Variants in TPM1 observed in about 807,000 individuals in gnomAD.
TPM1 encodes the protein tropomyosin alpha-1 chain.
A neutral mutation model predicts 42.9 loss-of-function variants in TPM1; 24 were observed. The observed-to-expected ratio is 0.56, with a 90% CI of 0.41 to 0.79. TPM1 has a LOEUF of 0.79. Ranked by LOEUF, TPM1 falls within the 30% of genes least tolerant of loss-of-function variation. The probability of loss-of-function intolerance (pLI) is 0.00; values close to 1 mark genes in which losing one functional copy is unlikely to be tolerated. For synonymous variants in TPM1, 136 were observed against 130.1 expected, an observed-to-expected ratio of 1.05 and a Z score of -0.31; for missense variants, 158 against 351.8, an observed-to-expected ratio of 0.45 and a Z score of 4.41.
downstream of TPM1, among the ~76,000 whole-genome samples, chr15:63,068,941 G>A (rs900528116): frequency 6.6e-6 from 1 of 152,060 alleles, no homozygotes; most frequent in Non-Finnish European, 1.5e-5. Context: ...GAGGTCAGGA[G>A]ATTGAGACCA....
downstream of TPM1, chr15:63,066,315 C>T: frequency 1.7e-6 from 1 of 601,940 alleles, no homozygotes; most frequent in Non-Finnish European, 2.2e-6. Context: ...TCTCAGAGTT[C>T]TGATTTTCAA....
At position 63,053,147 on chromosome 15, in the gene TPM1, A is replaced by G. The variant is rs561091161; in HGVS notation, c.241-3838A>G. On this transcript the variant is annotated intron_variant, in intron 2 of 9. Transcript: ENST00000403994. ...TTCCGTGTCCTTATGTGAGCTTCCTATTACCCATTAGCATTGTTTTATGAA... is the reference window on the plus strand; with the variant it reads ...TTCCGTGTCCTTATGTGAGCTTCCTGTTACCCATTAGCATTGTTTTATGAA... Among the ~76,000 whole-genome samples, 6 of 152,262 alleles carry G rather than the reference A, an allele frequency of 3.9e-5. No homozygotes were observed. The East Asian group carries it at 7.7e-4, about 20-fold the overall frequency.
At chr15:63,048,576 A>G in intron 2 of TPM1, 1 of 1,526,730 alleles carries the variant, frequency 6.5e-7, no homozygotes, top group Non-Finnish European at 8.8e-7. Flanking sequence ...GTCCGGCGCG[A>G]TGGCGGGGAG....
chr15:63,067,216 C>T (rs888894687), downstream of TPM1, among the ~76,000 whole-genome samples: 4 of 152,152 alleles, frequency 2.6e-5, no homozygotes, highest in African/African-American at 9.7e-5. Context: ...AAGATAGTGT[C>T]ATTCTCACTC....
At chr15:63,056,102 T>G (rs182197558) in intron 2 of TPM1, 10 of 152,404 alleles carry the variant, frequency 6.6e-5, no homozygotes, top group Admixed American at 5.2e-4. Flanking sequence ...TAAAAGGGGT[T>G]ACTGGATTGT....
At chr15:63,043,982 C>T in intron 1 of TPM1, 45 bp from the exon 2 acceptor site, 1 of 1,600,944 alleles carries the variant, frequency 6.2e-7, no homozygotes, top group Non-Finnish European at 8.5e-7. Context: ...ATCACGCTGC[C>T]TGCTGCACCC....
At chr15:63,058,376 C>T (rs2035109853) in intron 3 of TPM1, among the ~76,000 whole-genome samples, 1 of 152,134 alleles carries the variant, frequency 6.6e-6, no homozygotes, top group African/African-American at 2.4e-5. Context: ...GCCAAGACTC[C>T]GACCCAGATC....
At chr15:63,043,948 G>A in intron 1 of TPM1, 79 bp from the exon 2 acceptor site, 2 of 1,565,370 alleles carry the variant, frequency 1.3e-6, no homozygotes. Context: ...CTGGTTCTGT[G>A]CACCCACACC....
intron 2 of TPM1, among the ~76,000 whole-genome samples, chr15:63,049,862 C>G (rs573794799): frequency 3.2e-4 from 49 of 152,178 alleles, no homozygotes; most frequent in Non-Finnish European, 6.0e-4. Context: ...GTGGATATCC[C>G]TGAACTTGGC....
chr15:63,070,245 A>C, downstream of TPM1: 1 of 1,171,906 alleles, frequency 8.5e-7, no homozygotes, highest in East Asian at 5.5e-5. Flanking sequence ...CCCCCCCAAA[A>C]AATGTTTTCT....
chr15:63,048,835 G>A (rs1250270586), intron 2 of TPM1: 6 of 1,283,824 alleles, frequency 4.7e-6, no homozygotes, highest in Non-Finnish European at 6.5e-6. Context: ...GGCGCACCTG[G>A]CGCACCTGGG....
intron 8 of TPM1, chr15:63,062,952 A>G: frequency 1.4e-6 from 2 of 1,428,314 alleles, no homozygotes; most frequent in Admixed American, 6.0e-5. Context: ...GAATGACTCT[A>G]GTATATTTTA....
At position 63,057,038 on chromosome 15, in the gene TPM1, G is replaced by A. The variant is rs747206706; in HGVS notation, c.294G>A (p.Glu98=). Residue 98 remains glutamate, a synonymous_variant, in exon 3 of 10, where the codon GAG becomes GAA. Coordinates refer to ENST00000403994, the MANE Select transcript of TPM1 (RefSeq NM_001018005.2). ...LNRRIQLVEE[E]LDRAQERLAT... ...GACGCATCCAGCTGGTTGAGGAAGA[G>A]TTGGATCGTGCCCAGGAGCGTCTGG... 2 of 1,614,242 alleles carry A rather than the reference G, an allele frequency of 1.2e-6. No homozygotes were observed. The highest frequency in any genetic ancestry group is 1.3e-5 in the African/African-American group (1 of 75,064).
At chr15:63,069,088 G>A (rs1474328783), downstream of TPM1, among the ~76,000 whole-genome samples, 1 of 152,182 alleles carries the variant, frequency 6.6e-6, no homozygotes, top group African/African-American at 2.4e-5. Context: ...GGGAGGTGGA[G>A]CTTGCAGTGA....
At chr15:63,048,831 C>G (rs1481778246) in intron 2 of TPM1, 1 of 1,307,998 alleles carries the variant, frequency 7.6e-7, no homozygotes, top group Non-Finnish European at 1.1e-6. Context: ...CCAGGGCGCA[C>G]CTGGCGCACC....
At chr15:63,049,943 T>A (rs1333862771) in intron 2 of TPM1, among the ~76,000 whole-genome samples, 1 of 152,150 alleles carries the variant, frequency 6.6e-6, no homozygotes, top group African/African-American at 2.4e-5. Flanking sequence ...CTATATAGAA[T>A]ATGATGGATA....
At chr15:63,046,516 A>AGGG (rs2032410905) in intron 2 of TPM1, 3 of 152,228 alleles carry the variant, frequency 2.0e-5, no homozygotes, top group Non-Finnish European at 4.4e-5. Context: ...CTACTACTTT[A>AGGG]CAAATCCTAT....
In TPM1 at chr15:63,056,299, T is replaced by G. The variant is rs140764827; in HGVS notation, c.241-686T>G. On this transcript the variant is annotated intron_variant, in intron 2 of 9. Transcript: ENST00000403994. ...GGGTAAGTCTTGTCTCAGTTCACAC[T>G]TCAGGCCCCCAGTGAGTGAGGTGGC... 2.1e-3 allele frequency: 316 copies of G among 152,968 alleles called. 2 individuals carry two copies. Among genetic ancestry groups the G allele is most frequent in the Non-Finnish European group, 3.6e-3 (245 of 68,492 alleles). 9.5% of individuals were successfully genotyped at this position (152,968 alleles called of 1,614,324 possible).
chr15:63,055,660 G>T (rs532772392), intron 2 of TPM1: 112 of 152,252 alleles, frequency 7.4e-4, no homozygotes, highest in African/African-American at 2.7e-3. Flanking sequence ...ATTACCATGG[G>T]TCCCTAAGTG....
Sources: gnomAD v4.1 joint callset for allele counts (sites outside exome capture counted in the v4.1 genomes callset) on GRCh38, gnomAD v4.1.1 for gene constraint, MANE v1.5 for transcripts, NCBI Gene and HGNC (gene_info 2026-07-23, HGNC 2026-07-21) for gene names.